The following TRAPPC2 variants were observed in gnomAD, a reference collection of about 807,000 sequenced individuals.
TRAPPC2 encodes the protein trafficking protein particle complex subunit 2.
TRAPPC2 carries 4 observed loss-of-function variants against 10.0 expected under a neutral mutation model. That is an observed-to-expected ratio of 0.40 (90% confidence interval 0.20 to 0.92). TRAPPC2 has a LOEUF of 0.92. Ranked by LOEUF, TRAPPC2 falls within the 40% of genes least tolerant of loss-of-function variation. The pLI is 0.35. For missense variants in TRAPPC2, 52 were observed against 108.7 expected, an observed-to-expected ratio of 0.48 and a Z score of 2.32; for synonymous variants, 36 against 37.3, an observed-to-expected ratio of 0.97 and a Z score of 0.12.
intron 2 of TRAPPC2, among the ~76,000 whole-genome samples, chrX:13,730,309 C>A (rs2046647539): frequency 9.0e-6 from 1 of 111,439 alleles, no homozygotes. Flanking sequence ...CCAACAGACA[C>A]ATGAAAAAAA....
chrX:13,724,314 T>C (rs979569604), intron 2 of TRAPPC2, among the ~76,000 whole-genome samples: 18 of 102,433 alleles, frequency 1.8e-4, no homozygotes, highest in African/African-American at 6.6e-4. Context: ...TAACTAGTAA[T>C]GAACATAAAA....
intron 2 of TRAPPC2, among the ~76,000 whole-genome samples, chrX:13,731,429 G>A (rs1025921927): frequency 1.8e-5 from 2 of 112,408 alleles, no homozygotes; most frequent in East Asian, 2.8e-4. Flanking sequence ...ACTCCTGGTT[G>A]TACTAGAACA....
At chrX:13,726,134 T>A (rs1487760943) in intron 2 of TRAPPC2, among the ~76,000 whole-genome samples, 2 of 112,514 alleles carry the variant, frequency 1.8e-5, no homozygotes, top group African/African-American at 3.2e-5. Context: ...TACGTTTGAC[T>A]GGTGTACCTG....
Position 13,730,225 on chromosome X carries a change from G to GA in TRAPPC2, c.-20+3818dup, listed in dbSNP as rs772338405. Among the ~76,000 whole-genome samples the GA allele has an allele frequency of 7.7e-3, 783 of 101,185 alleles. 3 individuals carry two copies. The highest frequency in any genetic ancestry group is 0.024 in the African/African-American group (671 of 27,783). The allele number at this position is 101,185 out of a possible 115,157, so 87.9% of individuals were successfully genotyped here. A position where few individuals can be genotyped will look rare whatever the true frequency, so the allele number is the denominator to read the frequency against. On this transcript the variant is annotated intron_variant, in intron 2 of 5. Coordinates refer to ENST00000380579, the MANE Select transcript of TRAPPC2 (RefSeq NM_001011658.4). ...ACAAAGAACTCAAACAAATTTATAA[G>GA]AAAAAAAAAAACCCCATCAAAAAGT...
chrX:13,716,698 A>G lies in TRAPPC2; in HGVS notation c.94-20T>C, dbSNP rs1381126226. On this transcript the variant is annotated intron_variant, in intron 3 of 5. Transcript: ENST00000380579. ...GTCGTCCTAGATGACAGTGTGAGCAACCACAGATTAACATTTGCATATGGC... is the reference window on the plus strand; with the variant it reads ...GTCGTCCTAGATGACAGTGTGAGCAGCCACAGATTAACATTTGCATATGGC... 8.3e-7 allele frequency: 1 copy of G among 1,208,443 alleles called. No individual in the cohort carries two copies. The highest frequency in any genetic ancestry group is 1.1e-6 in the Non-Finnish European group (1 of 892,800).
intron 2 of TRAPPC2, among the ~76,000 whole-genome samples, chrX:13,722,412 C>T (rs184211307): frequency 1.8e-5 from 2 of 110,444 alleles, no homozygotes; most frequent in African/African-American, 3.3e-5. Flanking sequence ...TTACCAACTA[C>T]CCAGCTGCGC....
chrX:13,725,102 C>T (rs1464703412), intron 2 of TRAPPC2, among the ~76,000 whole-genome samples: 1 of 113,014 alleles, frequency 8.8e-6, no homozygotes, highest in South Asian at 3.6e-4. Context: ...CCAGGAAGCT[C>T]GAACTGGGCA....
At chrX:13,727,897 A>G (rs1304645713) in intron 2 of TRAPPC2, among the ~76,000 whole-genome samples, 2 of 111,947 alleles carry the variant, frequency 1.8e-5, no homozygotes, top group Admixed American at 1.9e-4. Context: ...GATAGATGCA[A>G]TAAAAAATGA....
At chrX:13,719,248 C>A (rs1335092085) in intron 3 of TRAPPC2, among the ~76,000 whole-genome samples, 4 of 103,273 alleles carry the variant, frequency 3.9e-5, no homozygotes, top group South Asian at 4.4e-4. Context: ...TTCCTTGTCT[C>A]AAAAAAAAAA....
At chrX:13,715,215 G>A (rs1247000861) in intron 5 of TRAPPC2, among the ~76,000 whole-genome samples, 1 of 113,204 alleles carries the variant, frequency 8.8e-6, no homozygotes, top group Admixed American at 9.3e-5. Flanking sequence ...GCTCACGCCT[G>A]TAATCCCAGC....
chrX:13,723,942 T>A (rs1329448789), intron 2 of TRAPPC2, among the ~76,000 whole-genome samples: 3 of 111,414 alleles, frequency 2.7e-5, no homozygotes, highest in African/African-American at 9.8e-5. Context: ...GTGGACCCAA[T>A]GTCATGACAA....
At chrX:13,726,659 T>C (rs1265757640) in intron 2 of TRAPPC2, among the ~76,000 whole-genome samples, 2 of 111,672 alleles carry the variant, frequency 1.8e-5, no homozygotes, top group Non-Finnish European at 3.8e-5. Flanking sequence ...ACAGGCCAAA[T>C]TGTAAAAGAC....
intron 2 of TRAPPC2, among the ~76,000 whole-genome samples, chrX:13,726,782 A>G (rs1283545353): frequency 8.9e-6 from 1 of 111,909 alleles, no homozygotes; most frequent in Non-Finnish European, 1.9e-5. Context: ...TAAATGGACT[A>G]AATGCTCCAA....
At chrX:13,731,184 G>T (rs138021175) in intron 2 of TRAPPC2, among the ~76,000 whole-genome samples, 1,199 of 112,228 alleles carry the variant, frequency 0.011, 19 homozygotes, top group South Asian at 0.043. Flanking sequence ...TGACATTTGA[G>T]AAATTGCAAG....
At chrX:13,729,453 C>T (rs2046625514) in intron 2 of TRAPPC2, among the ~76,000 whole-genome samples, 1 of 112,144 alleles carries the variant, frequency 8.9e-6, no homozygotes, top group African/African-American at 3.2e-5. Flanking sequence ...CACACATCTA[C>T]AACCATCTGA....
intron 2 of TRAPPC2, among the ~76,000 whole-genome samples, chrX:13,732,498 A>G (rs2046697019): frequency 8.8e-6 from 1 of 113,136 alleles, no homozygotes; most frequent in African/African-American, 3.2e-5. Context: ...GGCGCTGAGA[A>G]AGATTCTGAG....
Position 13,734,591 on chromosome X carries a change from C to G in TRAPPC2, c.-228G>C. The G allele has an allele frequency of 1.5e-6, 1 of 677,949 alleles. No homozygotes were observed. The highest frequency in any genetic ancestry group is 1.8e-6 in the Non-Finnish European group (1 of 540,602). 55.9% of individuals were successfully genotyped at this position (677,949 alleles called of 1,213,427 possible). ...CGCGGAAGAGACCCGCGCCCCGAAC[C>G]TGTAGCCAGAACGCCGAAGCAGTTC... On this transcript the variant is annotated 5_prime_UTR_variant, in exon 1 of 6. Transcript: ENST00000380579.
intron 2 of TRAPPC2, among the ~76,000 whole-genome samples, chrX:13,733,669 A>T (rs1418244607): frequency 8.9e-6 from 1 of 112,127 alleles, no homozygotes; most frequent in African/African-American, 3.2e-5. Flanking sequence ...CAGGACTTAG[A>T]TACCATATAA....
intron 4 of TRAPPC2, 30 bp from the exon 5 acceptor site, chrX:13,716,119 G>A: frequency 1.7e-6 from 2 of 1,160,229 alleles, no homozygotes; most frequent in Admixed American, 2.5e-5. Context: ...ATCTTTCTTA[G>A]AAATGAAAAA....
Sources: gnomAD v4.1 joint callset for allele counts (sites outside exome capture counted in the v4.1 genomes callset) on GRCh38, gnomAD v4.1.1 for gene constraint, MANE v1.5 for transcripts, NCBI Gene and HGNC (gene_info 2026-07-23, HGNC 2026-07-21) for gene names.